RASSF4: variants seen among roughly 807,000 people sequenced by gnomAD.
RASSF4 encodes the protein ras association domain-containing protein 4.
RASSF4 carries 38 observed loss-of-function variants against 41.1 expected under a neutral mutation model. The observed-to-expected ratio is 0.92, with a 90% CI of 0.71 to 1.21. The LOEUF is 1.21. RASSF4 is among the 50% of genes most tolerant of loss of function. RASSF4 has a pLI of 0.00. For synonymous variants in RASSF4, 179 were observed against 163.4 expected, an observed-to-expected ratio of 1.10 and a Z score of -0.73; for missense variants, 414 against 419.4, an observed-to-expected ratio of 0.99 and a Z score of 0.11.
intron 3 of RASSF4, among the ~76,000 whole-genome samples, chr10:44,979,258 G>C (rs1255650779): frequency 6.6e-6 from 1 of 152,220 alleles, no homozygotes; most frequent in Non-Finnish European, 1.5e-5. Flanking sequence ...GACACACCCT[G>C]CTCGCAAGGG....
intron 3 of RASSF4, among the ~76,000 whole-genome samples, chr10:44,972,121 T>C (rs752691953): frequency 1.6e-4 from 24 of 152,018 alleles, no homozygotes; most frequent in Non-Finnish European, 2.2e-4. Flanking sequence ...CTTCCCCCTT[T>C]CCCCTTCCCC....
In RASSF4 at chr10:44,965,535, C is replaced by T. The variant is rs182714049; in HGVS notation, c.-38-4630C>T. On this transcript the variant is annotated intron_variant, in intron 1 of 10. Transcript: ENST00000340258. ...TTTCATCTCCTTCCCTTGCTTAGGG[C>T]CATGAAGCTAATGAGTGCTGGAGGA... 2.7e-3 allele frequency among the ~76,000 whole-genome samples: 415 copies of T among 152,340 alleles called. 6 individuals carry two copies. The highest frequency in any genetic ancestry group is 9.7e-3 in the African/African-American group (403 of 41,572).
chr10:44,965,127 T>G (rs1840853930), intron 1 of RASSF4, among the ~76,000 whole-genome samples: 1 of 152,202 alleles, frequency 6.6e-6, no homozygotes, highest in Non-Finnish European at 1.5e-5. Context: ...GTACTTAAGG[T>G]GCATGCATGG....
chr10:44,977,980 C>A lies in RASSF4; in HGVS notation c.139-4541C>A, dbSNP rs114540375. On this transcript the variant is annotated intron_variant, in intron 3 of 10. Transcript: ENST00000340258. Reference sequence around the variant, plus strand: ...CCCCAAGCAGCATCTCCTCCGTGGTCTCCCGAATTGTGGGCAGATGGGCCA... The same window carrying A: ...CCCCAAGCAGCATCTCCTCCGTGGTATCCCGAATTGTGGGCAGATGGGCCA... 184 of 1,612,026 alleles carry A rather than the reference C, an allele frequency of 1.1e-4. No homozygotes were observed. In the African/African-American group the frequency reaches 2.3e-3, roughly 20 times the overall value.
intron 10 of RASSF4, among the ~76,000 whole-genome samples, chr10:44,992,678 G>A (rs1169127998): frequency 3.3e-5 from 5 of 152,200 alleles, no homozygotes; most frequent in Non-Finnish European, 7.3e-5. Flanking sequence ...AAGGGCAGGA[G>A]CTCACTGAGA....
chr10:44,978,115 G>T, intron 3 of RASSF4: 1 of 1,477,748 alleles, frequency 6.8e-7, no homozygotes, highest in Non-Finnish European at 9.2e-7. Context: ...GCCCCTCAGC[G>T]TCACCACACT....
Position 44,993,335 on chromosome 10 carries a change from C to T in RASSF4, c.*6C>T. 2.5e-6 allele frequency: 4 copies of T among 1,599,256 alleles called. No homozygotes were observed. The highest frequency in any genetic ancestry group is 2.5e-6 in the Non-Finnish European group (3 of 1,177,316). On this transcript the variant is annotated 3_prime_UTR_variant, in exon 11 of 11. Transcript: ENST00000340258. ...AGCTGGTGGAGGCCAAGTAACTGGC[C>T]AACACCTGCCTCTTCCAAAGTCCCC...
chr10:44,963,238 A>G (rs1453435462), intron 1 of RASSF4, among the ~76,000 whole-genome samples: 11 of 152,010 alleles, frequency 7.2e-5, no homozygotes, highest in Non-Finnish European at 1.2e-4. Flanking sequence ...GGGTCTGGTG[A>G]TTGGAACTGG....
intron 6 of RASSF4, among the ~76,000 whole-genome samples, chr10:44,986,225 C>T (rs1202917592): frequency 6.6e-6 from 1 of 152,190 alleles, no homozygotes; most frequent in Admixed American, 6.5e-5. Flanking sequence ...ATTCAAAGTA[C>T]TGAATGGTGG....
At chr10:44,966,332 G>T (rs1013428809) in intron 1 of RASSF4, among the ~76,000 whole-genome samples, 2 of 152,130 alleles carry the variant, frequency 1.3e-5, no homozygotes, top group Non-Finnish European at 2.9e-5. Context: ...ATAGGAGACC[G>T]GAAGTAAATG....
chr10:44,971,644 G>A (rs762238655), intron 2 of RASSF4, 129 bp from the exon 3 acceptor site: 3 of 791,162 alleles, frequency 3.8e-6, no homozygotes, highest in Non-Finnish European at 4.6e-6. Context: ...CTCTGGTTAT[G>A]CCTGGCCGGC....
At position 44,968,599 on chromosome 10, in the gene RASSF4, T is replaced by G. The variant is rs117716540; in HGVS notation, c.-38-1566T>G. On this transcript the variant is annotated intron_variant, in intron 1 of 10. Transcript: ENST00000340258. ...CTGATGCTAGCACAGAGGGCAGGTT[T>G]GTCACATTTGTGGGTGTCAAGCAAG... 3.9e-4 allele frequency among the ~76,000 whole-genome samples: 60 copies of G among 152,306 alleles called. 1 individual carries two copies. The highest frequency in any genetic ancestry group is 3.4e-3 in the Middle Eastern group (1 of 294).
At chr10:44,992,246 C>T (rs1056372381) in intron 10 of RASSF4, among the ~76,000 whole-genome samples, 5 of 152,268 alleles carry the variant, frequency 3.3e-5, no homozygotes, top group Non-Finnish European at 5.9e-5. Flanking sequence ...CCAGTCTTGG[C>T]ATCCTCACCA....
At position 44,993,388 on chromosome 10, in the gene RASSF4, G is replaced by A; in HGVS notation, c.*59G>A. ...CAGTGGCAGGTGTACACTGAGCCCT[G>A]GTTGCTGGCCCCGGCCGGTCACATT... On this transcript the variant is annotated 3_prime_UTR_variant, in exon 11 of 11. Transcript: ENST00000340258. 1.4e-6 allele frequency: 2 copies of A among 1,418,580 alleles called. No homozygotes were observed. Among genetic ancestry groups the A allele is most frequent in the African/African-American group, 1.4e-5 (1 of 71,102 alleles). 87.9% of individuals were successfully genotyped at this position (1,418,580 alleles called of 1,614,324 possible).
At chr10:44,971,985 G>T (rs1055604234) in intron 3 of RASSF4, 137 bp downstream of exon 3, 2 of 630,354 alleles carry the variant, frequency 3.2e-6, no homozygotes, top group South Asian at 2.0e-5. Flanking sequence ...AAGTTATATG[G>T]TCACTCTCAT....
chr10:44,982,698 G>T (rs533140388), intron 4 of RASSF4, 35 bp downstream of exon 4: 2 of 1,602,454 alleles, frequency 1.2e-6, no homozygotes, highest in South Asian at 2.2e-5. Context: ...CACCTGCTCA[G>T]CCTGAGCTCC....
At chr10:44,986,672 C>T (rs936400732) in intron 6 of RASSF4, among the ~76,000 whole-genome samples, 7 of 152,246 alleles carry the variant, frequency 4.6e-5, no homozygotes, top group African/African-American at 1.2e-4. Flanking sequence ...TTTCTTACCA[C>T]GCTCAACATC....
intron 3 of RASSF4, among the ~76,000 whole-genome samples, chr10:44,972,637 C>T (rs1472048981): frequency 2.6e-5 from 4 of 152,244 alleles, no homozygotes; most frequent in Non-Finnish European, 5.9e-5. Context: ...CCTAGTCTTG[C>T]GGTCATTCAC....
intron 8 of RASSF4, 66 bp from the exon 9 acceptor site, chr10:44,990,882 C>T: frequency 1.3e-6 from 2 of 1,550,954 alleles, no homozygotes; most frequent in Non-Finnish European, 8.8e-7. Flanking sequence ...CTATCAGTTC[C>T]TAATCTGGAA....
Sources: allele counts gnomAD v4.1 joint callset (sites outside exome capture counted in the v4.1 genomes callset), GRCh38; gene constraint gnomAD v4.1.1; transcripts MANE v1.5; gene names NCBI Gene and HGNC (gene_info 2026-07-23, HGNC 2026-07-21).